DCC: variants seen among roughly 807,000 people sequenced by gnomAD.
DCC encodes netrin receptor DCC.
Under a neutral mutation model 172.5 loss-of-function variants are expected in DCC, and 58 were observed. That is an observed-to-expected ratio of 0.34 (90% CI 0.27 to 0.42). The LOEUF is 0.42. Among genes scored for constraint, DCC ranks in the 10% least tolerant of loss-of-function variants. DCC has a pLI of 1.00. For missense variants in DCC, 1,740 were observed against 1,791.0 expected (o/e 0.97, Z 0.51); for synonymous variants, 709 against 644.5 (o/e 1.10, Z -1.52).
intron 5 of DCC, among the ~76,000 whole-genome samples, chr18:52,972,417 C>T (rs1329928550): frequency 6.6e-6 from 1 of 151,970 alleles, no homozygotes; most frequent in East Asian, 1.9e-4. Context: ...GGCAGATAAG[C>T]TCCACAGCCT....
intron 7 of DCC, among the ~76,000 whole-genome samples, chr18:53,129,622 G>A (rs1458347881): frequency 6.6e-6 from 1 of 151,958 alleles, no homozygotes; most frequent in Admixed American, 6.6e-5. Flanking sequence ...TACACTAAAA[G>A]GTTTGAGGTT....
chr18:53,465,254 T>A (rs932660806), intron 24 of DCC, among the ~76,000 whole-genome samples: 6 of 152,206 alleles, frequency 3.9e-5, no homozygotes, highest in Non-Finnish European at 7.4e-5. Context: ...TTTTTTTTTT[T>A]TGATGGTTTA....
chr18:52,503,446 A>G (rs2031107663), intron 1 of DCC, among the ~76,000 whole-genome samples: 1 of 152,182 alleles, frequency 6.6e-6, no homozygotes. Flanking sequence ...AAAATCCCTG[A>G]AATACAATAT....
chr18:52,991,005 G>A (rs1164685358), intron 5 of DCC, among the ~76,000 whole-genome samples: 1 of 152,208 alleles, frequency 6.6e-6, no homozygotes, highest in East Asian at 1.9e-4. Flanking sequence ...TACATAAATC[G>A]CCTAAGTTCA....
chr18:52,892,989 G>GA (rs34829669), intron 2 of DCC, among the ~76,000 whole-genome samples: 1 of 151,982 alleles, frequency 6.6e-6, no homozygotes, highest in African/African-American at 2.4e-5. Flanking sequence ...TTATGGGGAG[G>GA]AAAAATATAT....
intron 11 of DCC, among the ~76,000 whole-genome samples, chr18:53,208,301 A>G (rs2055688869): frequency 6.6e-6 from 1 of 151,684 alleles, no homozygotes; most frequent in Non-Finnish European, 1.5e-5. Flanking sequence ...ATATGTATAT[A>G]TGTATATACA....
chr18:53,026,472 G>A lies in DCC; in HGVS notation c.986-36833G>A, dbSNP rs983073285. ...CTGGCTTTCCTTCATTGAATTTTCT[G>A]CTTTCCCTTTAGAAAATGTAGTCTG... On this transcript the variant is annotated intron_variant, in intron 5 of 28. Transcript: ENST00000442544. Among the ~76,000 whole-genome samples the A allele has an allele frequency of 4.6e-5, 7 of 152,158 alleles. No homozygotes were observed. In the East Asian group the frequency reaches 7.7e-4, roughly 17 times the overall value.
intron 25 of DCC, among the ~76,000 whole-genome samples, chr18:53,484,097 A>T (rs1411658201): frequency 6.6e-6 from 1 of 151,782 alleles, no homozygotes; most frequent in Non-Finnish European, 1.5e-5. Flanking sequence ...ACTTCTCCCA[A>T]ATTACATGCC....
chr18:53,385,656 C>T (rs1908108965), intron 15 of DCC, among the ~76,000 whole-genome samples: 1 of 152,160 alleles, frequency 6.6e-6, no homozygotes. Context: ...TAGAATTATC[C>T]TGTTTTTAGG....
rs1051510596 is a variant in DCC at position 52,890,739 on chromosome 18, T to C, written c.413-15305T>C. Among the ~76,000 whole-genome samples the C allele has an allele frequency of 2.6e-5, 4 of 152,238 alleles. No homozygotes were observed. In the South Asian group the frequency reaches 8.3e-4, roughly 32 times the overall value. On this transcript the variant is annotated intron_variant, in intron 2 of 28. Coordinates refer to ENST00000442544, the MANE Select transcript of DCC (RefSeq NM_005215.4). ...ATAAAATATCGATATGTGTCTCAAA[T>C]ACTGTTCTGATGTAGAAGTATCTAT...
chr18:52,510,133 A>G (rs1326878817), intron 1 of DCC, among the ~76,000 whole-genome samples: 1 of 151,986 alleles, frequency 6.6e-6, no homozygotes, highest in Non-Finnish European at 1.5e-5. Flanking sequence ...AAAAAAAAAA[A>G]AAGTCTAGTT....
At chr18:53,112,441 C>T (rs2043346334) in intron 7 of DCC, among the ~76,000 whole-genome samples, 1 of 151,490 alleles carries the variant, frequency 6.6e-6, no homozygotes, top group South Asian at 2.1e-4. Context: ...TGAAGAAACT[C>T]GCCACTCACT....
At chr18:52,428,993 A>G (rs1360158953) in intron 1 of DCC, among the ~76,000 whole-genome samples, 2 of 152,080 alleles carry the variant, frequency 1.3e-5, no homozygotes, top group African/African-American at 2.4e-5. Flanking sequence ...CTTTTATCCA[A>G]TCATTTCCTG....
At chr18:52,400,275 C>A (rs1461309023) in intron 1 of DCC, among the ~76,000 whole-genome samples, 1 of 151,926 alleles carries the variant, frequency 6.6e-6, no homozygotes, top group Non-Finnish European at 1.5e-5. Context: ...ATCTTGAAAT[C>A]AAAAGTATTG....
chr18:53,108,993 C>T (rs72919482), intron 7 of DCC, among the ~76,000 whole-genome samples: 16,885 of 150,142 alleles, frequency 0.11, 1,075 homozygotes, highest in Non-Finnish European at 0.13. Flanking sequence ...ATCTAGTTGC[C>T]AAAGTGGTTA....
At chr18:53,328,691 T>G (rs1180293354) in intron 14 of DCC, among the ~76,000 whole-genome samples, 3 of 151,986 alleles carry the variant, frequency 2.0e-5, no homozygotes. Flanking sequence ...TCCACCACCA[T>G]GCTTGGCTAA....
intron 1 of DCC, among the ~76,000 whole-genome samples, chr18:52,638,713 C>G (rs1251796138): frequency 6.6e-6 from 1 of 151,874 alleles, no homozygotes; most frequent in African/African-American, 2.4e-5. Context: ...ATGAGATAGA[C>G]AGAAATGAGA....
intron 27 of DCC, among the ~76,000 whole-genome samples, chr18:53,501,537 C>A (rs1355719830): frequency 6.6e-6 from 1 of 152,072 alleles, no homozygotes; most frequent in African/African-American, 2.4e-5. Context: ...CATCAGATTT[C>A]TTCACTCACA....
chr18:53,046,686 G>T (rs1048041399), intron 5 of DCC, among the ~76,000 whole-genome samples: 3 of 151,918 alleles, frequency 2.0e-5, no homozygotes, highest in African/African-American at 7.2e-5. Context: ...TGAAAACACA[G>T]ATTACAGTTC....
Sources: allele counts gnomAD v4.1 joint callset (sites outside exome capture counted in the v4.1 genomes callset), GRCh38; gene constraint gnomAD v4.1.1; transcripts MANE v1.5; gene names NCBI Gene and HGNC (gene_info 2026-07-23, HGNC 2026-07-21).